Variants in SUMF1 observed in about 807,000 individuals in gnomAD.
SUMF1 encodes formylglycine-generating enzyme.
In SUMF1, 48 loss-of-function variants were observed where a neutral mutation model predicts 47.6. The observed-to-expected ratio is 1.01, with a 90% CI of 0.80 to 1.28. The LOEUF (loss-of-function observed/expected upper bound fraction) is 1.28. Among genes scored for constraint, SUMF1 ranks in the 50% most tolerant of loss-of-function variants. The probability of loss-of-function intolerance (pLI) is 0.00; values close to 1 mark genes in which losing one functional copy is unlikely to be tolerated. For missense variants in SUMF1, 571 were observed against 485.4 expected, an observed-to-expected ratio of 1.18 and a Z score of -1.66; for synonymous variants, 230 against 192.1, an observed-to-expected ratio of 1.20 and a Z score of -1.63.
At position 4,182,189 on chromosome 3, in the gene SUMF1, G is replaced by T. The variant is rs190871767; in HGVS notation, c.1015-113444C>A. Among the ~76,000 whole-genome samples, 141 of 152,050 alleles carry T rather than the reference G, an allele frequency of 9.3e-4. 1 individual carries two copies. The highest frequency in any genetic ancestry group is 6.0e-3 in the Admixed American group (92 of 15,256). On this transcript the variant is annotated intron_variant and NMD_transcript_variant, in intron 8 of 12. Transcript: ENST00000448413. Reference sequence around the variant, plus strand: ...AGGTGTAAATAATGATACAGGGTATGGGTAAGCATGGGGTAGATGGAATAT... The same window carrying T: ...AGGTGTAAATAATGATACAGGGTATTGGTAAGCATGGGGTAGATGGAATAT...
chr3:4,144,078 C>T (rs1192056403), intron 8 of SUMF1, among the ~76,000 whole-genome samples: 1 of 150,914 alleles, frequency 6.6e-6, no homozygotes, highest in African/African-American at 2.4e-5. Context: ...GCAGCCTCTA[C>T]CTCCTGGGCT....
chr3:4,362,308 T>C lies in SUMF1; in HGVS notation c.1015-54A>G, dbSNP rs569023044. On this transcript the variant is annotated intron_variant, in intron 8 of 8. Transcript: ENST00000272902. ...GCTACTGGGACTCTCAGCTGAAGGC[T>C]CTAACCCATCAGATGCATATTGCAC... 679 of 1,478,906 alleles carry C rather than the reference T, an allele frequency of 4.6e-4. 1 individual carries two copies. The highest frequency in any genetic ancestry group is 5.9e-4 in the Non-Finnish European group (630 of 1,059,246). The allele number at this position is 1,478,906 out of a possible 1,614,324, so 91.6% of individuals were successfully genotyped here. A position where few individuals can be genotyped will look rare whatever the true frequency, so the allele number is the denominator to read the frequency against.
intron 1 of SUMF1, among the ~76,000 whole-genome samples, chr3:4,462,244 G>A (rs1027200489): frequency 3.9e-5 from 6 of 152,296 alleles, no homozygotes. Flanking sequence ...TTTGACCACG[G>A]AGATGTAATT....
intron 8 of SUMF1, among the ~76,000 whole-genome samples, chr3:4,109,177 C>A (rs569516566): frequency 2.0e-5 from 3 of 151,952 alleles, no homozygotes; most frequent in Non-Finnish European, 4.4e-5. Context: ...TTCTCCTTCA[C>A]TTATGAAGCT....
rs1332624112 is a variant in SUMF1, at chr3:4,466,985, C to A, written c.261G>T (p.Ala87=). The A allele has an allele frequency of 6.2e-7, 1 of 1,602,690 alleles. No homozygotes were observed. Among genetic ancestry groups the A allele is most frequent in the Non-Finnish European group, 8.5e-7 (1 of 1,176,310 alleles). Residue 87 remains alanine (A), a synonymous_variant, in exon 1 of 9, where the codon GCG becomes GCT. Coordinates refer to ENST00000272902, the MANE Select transcript of SUMF1 (RefSeq NM_182760.4). ...GGAATCGATGGAGCACCTTTGAGTGCGCGAGTTGCCGCTCTCCGGGTACGG... is the reference window on the plus strand; with the variant it reads ...GGAATCGATGGAGCACCTTTGAGTGAGCGAGTTGCCGCTCTCCGGGTACGG... The part of the protein sequence containing the change: ...PGPVPGERQL[A]HSKMVPIPAG...
At chr3:4,161,964 T>C (rs956050579) in intron 8 of SUMF1, among the ~76,000 whole-genome samples, 2 of 152,140 alleles carry the variant, frequency 1.3e-5, no homozygotes, top group Non-Finnish European at 2.9e-5. Flanking sequence ...CCACAGCATG[T>C]ATTACCGGGC....
chr3:4,443,199 G>T (rs711639), intron 3 of SUMF1, among the ~76,000 whole-genome samples: 35,300 of 152,032 alleles, frequency 0.23, 4,998 homozygotes, highest in Non-Finnish European at 0.31. Flanking sequence ...AATTGCTTGA[G>T]CCCAGTAGGT....
At chr3:4,224,399 G>T (rs917082760) in intron 8 of SUMF1, among the ~76,000 whole-genome samples, 3 of 151,960 alleles carry the variant, frequency 2.0e-5, no homozygotes, top group African/African-American at 7.2e-5. Context: ...TATTTTGGTG[G>T]CAAGTTTTTG....
intron 8 of SUMF1, among the ~76,000 whole-genome samples, chr3:4,366,896 G>C (rs1317933216): frequency 6.6e-6 from 1 of 152,100 alleles, no homozygotes; most frequent in African/African-American, 2.4e-5. Context: ...TGGGTTTTTG[G>C]TGTGGACGTC....
Position 4,078,270 on chromosome 3 carries a change from A to G in SUMF1, c.1015-9525T>C, listed in dbSNP as rs547184777. 2.6e-5 allele frequency among the ~76,000 whole-genome samples: 4 copies of G among 152,234 alleles called. No homozygotes were observed. The East Asian group carries it at 7.7e-4, about 29-fold the overall frequency. On this transcript the variant is annotated intron_variant and NMD_transcript_variant, in intron 8 of 12. Transcript: ENST00000448413. ...GGAAATGGGGCTGGCTTTCCAGACA[A>G]TGAAAATACTGGCTGGTGTGTTACC...
At chr3:4,199,778 G>A (rs576851413) in intron 8 of SUMF1, among the ~76,000 whole-genome samples, 14 of 152,082 alleles carry the variant, frequency 9.2e-5, no homozygotes, top group Non-Finnish European at 1.3e-4. Flanking sequence ...CTTTTCTGGT[G>A]AAGTGTCTAG....
intron 8 of SUMF1, among the ~76,000 whole-genome samples, chr3:4,172,413 A>T (rs1333347708): frequency 6.6e-6 from 1 of 152,156 alleles, no homozygotes. Flanking sequence ...AAAAACTAGG[A>T]CCTAAAATCC....
chr3:4,386,766 T>A (rs74675104), intron 7 of SUMF1, among the ~76,000 whole-genome samples: 6,421 of 152,118 alleles, frequency 0.042, 215 homozygotes, highest in Admixed American at 0.1. Flanking sequence ...TTACTAAGTT[T>A]GAGAAAATCT....
chr3:4,116,997 T>C (rs1693437678), intron 8 of SUMF1, among the ~76,000 whole-genome samples: 1 of 150,424 alleles, frequency 6.6e-6, no homozygotes, highest in East Asian at 2.0e-4. Flanking sequence ...GCTCTACTTA[T>C]AGTTATACAT....
Position 4,310,770 on chromosome 3 carries a change from C to T in SUMF1, c.1014+65560G>A, listed in dbSNP as rs574971584. Among the ~76,000 whole-genome samples, 6 of 151,678 alleles carry T rather than the reference C, an allele frequency of 4.0e-5. No homozygotes were observed. The East Asian group carries it at 7.7e-4, about 20-fold the overall frequency. On this transcript the variant is annotated intron_variant and NMD_transcript_variant, in intron 8 of 12. Coordinates refer to the SUMF1 transcript ENST00000448413. ...GCAGTTGATTTTAAAAGAAGTTATC[C>T]ATGTCAAAAAAAAAACTTTAGCGTT...
chr3:4,253,501 G>C (rs1000986709), intron 8 of SUMF1, among the ~76,000 whole-genome samples: 4 of 152,084 alleles, frequency 2.6e-5, no homozygotes, highest in Admixed American at 2.6e-4. Flanking sequence ...AAGGGGTGAC[G>C]GACGCACCTG....
chr3:4,098,456 A>G (rs927665391), intron 8 of SUMF1, among the ~76,000 whole-genome samples: 1 of 152,012 alleles, frequency 6.6e-6, no homozygotes, highest in African/African-American at 2.4e-5. Context: ...ATCTTGTTTG[A>G]TTTCAAAGAG....
chr3:4,408,606 T>C lies in SUMF1; in HGVS notation c.954+2259A>G, dbSNP rs369619500. On this transcript the variant is annotated intron_variant, in intron 7 of 8. Coordinates refer to ENST00000272902, the MANE Select transcript of SUMF1 (RefSeq NM_182760.4). ...ACTTTAGGAGGCCAAGGTGTGAGGATTGCTTGAGGCGAGGAGTTCGAGACC... is the reference window on the plus strand; with the variant it reads ...ACTTTAGGAGGCCAAGGTGTGAGGACTGCTTGAGGCGAGGAGTTCGAGACC... Among the ~76,000 whole-genome samples the C allele has an allele frequency of 9.9e-5, 15 of 152,280 alleles. No individual in the cohort carries two copies. The East Asian group carries it at 2.3e-3, about 24-fold the overall frequency.
intron 8 of SUMF1, among the ~76,000 whole-genome samples, chr3:4,289,315 A>T (rs1403600561): frequency 2.0e-5 from 3 of 152,160 alleles, no homozygotes; most frequent in Non-Finnish European, 4.4e-5. Flanking sequence ...TAAATCCTGT[A>T]TTTCCTGCTC....
Sources: allele counts gnomAD v4.1 joint callset (sites outside exome capture counted in the v4.1 genomes callset), GRCh38; gene constraint gnomAD v4.1.1; transcripts MANE v1.5; gene names NCBI Gene and HGNC (gene_info 2026-07-23, HGNC 2026-07-21).